The following PHACTR3 variants were observed in gnomAD, a reference collection of about 807,000 sequenced individuals.
The protein encoded by PHACTR3 is phosphatase and actin regulator 3.
A neutral mutation model predicts 66.8 loss-of-function variants in PHACTR3; 16 were observed. That is an observed-to-expected ratio of 0.24 (90% CI 0.16 to 0.36). The LOEUF (loss-of-function observed/expected upper bound fraction) is 0.36, where lower values mean the gene tolerates loss of function less well. Ranked by LOEUF, PHACTR3 falls within the 10% of genes least tolerant of loss-of-function variation. The probability of loss-of-function intolerance (pLI) is 1.00; values close to 1 mark genes in which losing one functional copy is unlikely to be tolerated. For missense variants in PHACTR3, 647 were observed against 719.9 expected, an observed-to-expected ratio of 0.90 and a Z score of 1.16; for synonymous variants, 323 against 292.1, an observed-to-expected ratio of 1.11 and a Z score of -1.08.
At chr20:59,774,893 A>G (rs1243533084) in intron 7 of PHACTR3, among the ~76,000 whole-genome samples, 1 of 152,054 alleles carries the variant, frequency 6.6e-6, no homozygotes, top group Non-Finnish European at 1.5e-5. Flanking sequence ...CAAAAACAAA[A>G]AAAAACTGTA....
At chr20:59,839,985 TAGTC>T (rs1030686814) in intron 9 of PHACTR3, among the ~76,000 whole-genome samples, 1 of 152,234 alleles carries the variant, frequency 6.6e-6, no homozygotes, top group Non-Finnish European at 1.5e-5. Flanking sequence ...TTTATTTACT[TAGTC>T]TACTACAGCT....
chr20:59,768,530 C>A (rs748391960), intron 5 of PHACTR3, among the ~76,000 whole-genome samples: 1 of 152,212 alleles, frequency 6.6e-6, no homozygotes, highest in Non-Finnish European at 1.5e-5. Flanking sequence ...TGCTACCACA[C>A]GTGTGGCCAG....
At chr20:59,583,068 G>T (rs1005680707) in intron 1 of PHACTR3, among the ~76,000 whole-genome samples, 1 of 152,138 alleles carries the variant, frequency 6.6e-6, no homozygotes, top group African/African-American at 2.4e-5. Flanking sequence ...GTCCTCAGCC[G>T]GGGGCATACC....
At chr20:59,701,524 A>G (rs528585400) in intron 1 of PHACTR3, among the ~76,000 whole-genome samples, 2 of 152,360 alleles carry the variant, frequency 1.3e-5, no homozygotes, top group South Asian at 2.1e-4. Context: ...ACCTGGATAG[A>G]AATAAAGGCA....
chr20:59,679,513 G>A (rs967765861), intron 1 of PHACTR3, among the ~76,000 whole-genome samples: 3 of 152,108 alleles, frequency 2.0e-5, no homozygotes, highest in African/African-American at 7.2e-5. Flanking sequence ...AGCTTTTCTT[G>A]TGTGTGTGCT....
intron 1 of PHACTR3, among the ~76,000 whole-genome samples, chr20:59,691,001 A>G (rs1371809095): frequency 1.3e-5 from 2 of 152,166 alleles, no homozygotes; most frequent in African/African-American, 4.8e-5. Context: ...GGGCTTGAGT[A>G]TGATCTGGAT....
rs763126476 is a variant in PHACTR3, at chr20:59,635,141, TTCTTTCTTTTTC to T, written c.118+30011_118+30022del. ...TTTCTTTCTTTCTTTCTTTCTTTCT[TTCTTTCTTTTTC>T]TTTCTTTCTTTCTTTCCTTTCTTTC... On this transcript the variant is annotated intron_variant, in intron 1 of 12. Transcript: ENST00000371015. Among the ~76,000 whole-genome samples the T allele has an allele frequency of 6.4e-3, 436 of 67,998 alleles. 4 individuals are homozygous for T. The highest frequency in any genetic ancestry group is 8.1e-3 in the African/African-American group (150 of 18,420). 44.6% of individuals were successfully genotyped at this position (67,998 alleles called of 152,430 possible).
intron 1 of PHACTR3, among the ~76,000 whole-genome samples, chr20:59,671,840 A>G (rs753072312): frequency 6.6e-6 from 1 of 152,346 alleles, no homozygotes; most frequent in Admixed American, 6.5e-5. Flanking sequence ...CAAGTCCTTG[A>G]CTACCCACGT....
intron 1 of PHACTR3, among the ~76,000 whole-genome samples, chr20:59,612,498 C>A (rs557107862): frequency 6.6e-6 from 1 of 152,122 alleles, no homozygotes; most frequent in African/African-American, 2.4e-5. Flanking sequence ...AATTCTCCTG[C>A]CTCAGCCTCC....
Position 59,736,303 on chromosome 20 carries a change from G to A in PHACTR3, c.119-6804G>A, listed in dbSNP as rs1248767627. Reference sequence around the variant, plus strand: ...CAGAGGCTGGGGGGTGGCTGCTAATGTGTTTGCACCTTCCAGAGTCTCTCC... The same window carrying A: ...CAGAGGCTGGGGGGTGGCTGCTAATATGTTTGCACCTTCCAGAGTCTCTCC... On this transcript the variant is annotated intron_variant, in intron 1 of 12. Transcript: ENST00000371015. The surrounding 1 kb of genome is among the most constrained non-coding windows in gnomAD (Gnocchi z 4.6). 6.6e-6 allele frequency among the ~76,000 whole-genome samples: 1 copy of A among 151,566 alleles called. No individual in the cohort carries two copies. Among genetic ancestry groups the A allele is most frequent in the Non-Finnish European group, 1.5e-5 (1 of 68,014 alleles).
chr20:59,627,406 A>G (rs1487844905), intron 1 of PHACTR3, among the ~76,000 whole-genome samples: 1 of 152,196 alleles, frequency 6.6e-6, no homozygotes, highest in Non-Finnish European at 1.5e-5. Context: ...GAGGGATCAG[A>G]TGGCTGGGAT....
intron 7 of PHACTR3, among the ~76,000 whole-genome samples, chr20:59,777,929 T>A (rs8117070): frequency 1.3e-5 from 2 of 151,920 alleles, no homozygotes; most frequent in South Asian, 4.2e-4. Context: ...GGGACTGGTG[T>A]GCATTGCATA....
intron 7 of PHACTR3, among the ~76,000 whole-genome samples, chr20:59,798,251 T>C (rs2041310978): frequency 6.6e-6 from 1 of 152,204 alleles, no homozygotes; most frequent in Non-Finnish European, 1.5e-5. Context: ...CCATTCATTA[T>C]GGAGGAGCCC....
chr20:59,737,938 C>A (rs1386558490), intron 1 of PHACTR3, among the ~76,000 whole-genome samples: 1 of 152,138 alleles, frequency 6.6e-6, no homozygotes, highest in African/African-American at 2.4e-5. Context: ...GCTGTGAGGA[C>A]CACTGTGTGT....
chr20:59,780,766 C>T (rs564924219), intron 7 of PHACTR3, among the ~76,000 whole-genome samples: 60 of 152,274 alleles, frequency 3.9e-4, no homozygotes, highest in African/African-American at 1.4e-3. Flanking sequence ...CCACGTGCCT[C>T]GACATGTTTC....
intron 1 of PHACTR3, among the ~76,000 whole-genome samples, chr20:59,670,746 T>G (rs2036169235): frequency 6.6e-6 from 1 of 152,174 alleles, no homozygotes; most frequent in Non-Finnish European, 1.5e-5. Context: ...GTGCTTGTGT[T>G]TACAGCCTGC....
At chr20:59,707,246 G>A (rs959855982) in intron 1 of PHACTR3, among the ~76,000 whole-genome samples, 1 of 151,496 alleles carries the variant, frequency 6.6e-6, no homozygotes, top group Non-Finnish European at 1.5e-5. Context: ...ACTGTGTAGA[G>A]CCCCTGACTC....
chr20:59,623,112 T>A (rs2034319237), intron 1 of PHACTR3, among the ~76,000 whole-genome samples: 1 of 151,686 alleles, frequency 6.6e-6, no homozygotes, highest in Non-Finnish European at 1.5e-5. Flanking sequence ...ATAAATGTTT[T>A]TTTGTGGGAG....
intron 1 of PHACTR3, among the ~76,000 whole-genome samples, chr20:59,584,531 A>C (rs532047685): frequency 4.6e-5 from 7 of 152,150 alleles, no homozygotes; most frequent in African/African-American, 1.7e-4. Context: ...GTGTGCATGC[A>C]CAAGTGTGTG....
Sources: allele counts gnomAD v4.1 joint callset (sites outside exome capture counted in the v4.1 genomes callset), GRCh38; gene constraint gnomAD v4.1.1; non-coding constraint Gnocchi (gnomAD v3.1); transcripts MANE v1.5; gene names NCBI Gene and HGNC (gene_info 2026-07-23, HGNC 2026-07-21).